The following SSH2 variants were observed in gnomAD, a reference collection of about 807,000 sequenced individuals.
SSH2 encodes slingshot protein phosphatase 2.
A neutral mutation model predicts 135.2 loss-of-function variants in SSH2; 37 were observed. The observed-to-expected ratio is 0.27, with a 90% confidence interval of 0.21 to 0.36. The LOEUF (loss-of-function observed/expected upper bound fraction) is 0.36, where lower values mean the gene tolerates loss of function less well. SSH2 is among the 10% of genes least tolerant of loss of function. SSH2 has a pLI of 1.00. For missense variants in SSH2, 1,408 were observed against 1,765.3 expected, an observed-to-expected ratio of 0.80 and a Z score of 3.63; for synonymous variants, 628 against 646.2, an observed-to-expected ratio of 0.97 and a Z score of 0.43.
intron 6 of SSH2, among the ~76,000 whole-genome samples, chr17:29,679,216 G>A (rs557837862): frequency 6.6e-6 from 1 of 152,016 alleles, no homozygotes; most frequent in South Asian, 2.1e-4. Context: ...TCTCCGAAAG[G>A]CTTCCATGAT....
chr17:29,658,439 G>A (rs1253016669), intron 11 of SSH2, among the ~76,000 whole-genome samples: 3 of 152,160 alleles, frequency 2.0e-5, no homozygotes, highest in Non-Finnish European at 4.4e-5. Flanking sequence ...TCAGCCTCCT[G>A]AGTACCTGGG....
intron 1 of SSH2, among the ~76,000 whole-genome samples, chr17:29,922,096 ATAGT>A (rs1414320113): frequency 3.3e-5 from 5 of 152,088 alleles, no homozygotes; most frequent in Admixed American, 3.3e-4. Context: ...TGAGTAGGAA[ATAGT>A]TAGGTAGAGA....
At position 29,631,663 on chromosome 17, in the gene SSH2, T is replaced by G. The variant is rs373868889; in HGVS notation, c.3531A>C (p.Thr1177=). Residue 1177 remains threonine, a synonymous_variant, in exon 16 of 16, where the codon ACA becomes ACC. Coordinates refer to ENST00000540801, the MANE Select transcript of SSH2 (RefSeq NM_001282129.2). ...TAACCTGTTCTGCAGAGGGCTCATC[T>G]GTAGTGCTGCTCTGCTCTGTGAAGC... ...LEGFTEQSST[T]DEPSAEQVSW... is the part of the protein sequence containing the mutation. 15 of 1,614,128 alleles carry G rather than the reference T, an allele frequency of 9.3e-6. No individual in the cohort carries two copies. In the African/African-American group the frequency reaches 1.6e-4, roughly 17 times the overall value.
intron 11 of SSH2, among the ~76,000 whole-genome samples, chr17:29,661,061 C>CAAAAAA (rs374216221): frequency 9.1e-4 from 44 of 48,204 alleles, no homozygotes; most frequent in African/African-American, 1.1e-3. Flanking sequence ...AATTCCATCT[C>CAAAAAA]AAAAAAAAAA....
chr17:29,859,282 A>G (rs1030283927), intron 1 of SSH2, among the ~76,000 whole-genome samples: 10 of 150,732 alleles, frequency 6.6e-5, no homozygotes, highest in Non-Finnish European at 3.0e-5. Flanking sequence ...TTCCTCTTAC[A>G]CTTTTTTTTC....
chr17:29,658,223 C>T (rs1437050812), intron 11 of SSH2, among the ~76,000 whole-genome samples: 6 of 151,604 alleles, frequency 4.0e-5, no homozygotes, highest in Non-Finnish European at 5.9e-5. Flanking sequence ...AGGCTGGTCT[C>T]GAATTCATGA....
intron 2 of SSH2, among the ~76,000 whole-genome samples, chr17:29,842,403 G>T (rs1206825860): frequency 6.7e-6 from 1 of 149,652 alleles, no homozygotes; most frequent in Non-Finnish European, 1.5e-5. Context: ...GCAGTGAGCC[G>T]AGATCACGCC....
intron 5 of SSH2, among the ~76,000 whole-genome samples, chr17:29,686,128 C>A (rs1253951351): frequency 2.0e-5 from 3 of 152,026 alleles, no homozygotes; most frequent in African/African-American, 4.8e-5. Context: ...GGTTTACAGG[C>A]GTGAGCCACC....
rs1303143591 is a variant in SSH2, at chr17:29,630,211, A to AACT, written c.*627_*629dup. 2.6e-5 allele frequency: 4 copies of AACT among 152,324 alleles called. No individual in the cohort carries two copies. In the East Asian group the frequency reaches 7.7e-4, roughly 29 times the overall value. The allele number at this position is 152,324 out of a possible 1,614,324, so 9.4% of individuals were successfully genotyped here. On this transcript the variant is annotated 3_prime_UTR_variant, in exon 16 of 16. Transcript: ENST00000540801. The stretch of plus-strand genomic sequence containing the variant: ...TCAAAAATAATTTTCTTGGGAAAAA[A>AACT]ACTATATGATAAATTTGCAGAGCCG...
intron 3 of SSH2, chr17:29,761,502 G>C: frequency 1.1e-6 from 1 of 911,974 alleles, no homozygotes; most frequent in South Asian, 4.9e-5. Flanking sequence ...AGAGCGGAGA[G>C]GGTAGGCCCG....
intron 2 of SSH2, among the ~76,000 whole-genome samples, chr17:29,840,961 A>G (rs2076038361): frequency 6.6e-6 from 1 of 152,176 alleles, no homozygotes; most frequent in Admixed American, 6.5e-5. Flanking sequence ...TAACTACTAC[A>G]TGATGCTGAG....
At chr17:29,657,752 T>G (rs988883668) in intron 11 of SSH2, among the ~76,000 whole-genome samples, 5 of 151,512 alleles carry the variant, frequency 3.3e-5, no homozygotes, top group African/African-American at 4.9e-5. Flanking sequence ...TTTACTTTTG[T>G]TTCTTAGAGA....
intron 2 of SSH2, among the ~76,000 whole-genome samples, chr17:29,844,416 A>G (rs1311728005): frequency 6.6e-6 from 1 of 152,228 alleles, no homozygotes; most frequent in African/African-American, 2.4e-5. Context: ...GAGACCACCC[A>G]TAAGCACAAT....
In SSH2 at chr17:29,773,289, T is replaced by A. The variant is rs191763235; in HGVS notation, c.188+20605A>T. Among the ~76,000 whole-genome samples, 865 of 152,260 alleles carry A rather than the reference T, an allele frequency of 5.7e-3. 5 individuals are homozygous for A. The highest frequency in any genetic ancestry group is 9.3e-3 in the Non-Finnish European group (630 of 68,024). On this transcript the variant is annotated intron_variant, in intron 3 of 15. Transcript: ENST00000540801. The stretch of plus-strand genomic sequence containing the variant: ...TCTATCCATAGAAATAATATTACAA[T>A]GTAGAAAAGAAAAGACAAGGGGTCC...
At chr17:29,925,503 G>A (rs1244912102) in intron 1 of SSH2, 2 of 398,370 alleles carry the variant, frequency 5.0e-6, no homozygotes, top group East Asian at 3.6e-5. Flanking sequence ...ATCCCTTGAC[G>A]CCACGAGTTC....
chr17:29,887,895 G>A (rs1389073408), intron 1 of SSH2, among the ~76,000 whole-genome samples: 1 of 152,136 alleles, frequency 6.6e-6, no homozygotes, highest in Non-Finnish European at 1.5e-5. Context: ...TGACCTTACA[G>A]AACACAATAT....
chr17:29,658,668 G>A (rs2036891451), intron 11 of SSH2, among the ~76,000 whole-genome samples: 1 of 151,978 alleles, frequency 6.6e-6, no homozygotes, highest in Non-Finnish European at 1.5e-5. Context: ...GGGAGTTACA[G>A]ACCAGCCTGA....
intron 1 of SSH2, among the ~76,000 whole-genome samples, chr17:29,914,781 A>G (rs1001225606): frequency 2.6e-5 from 4 of 152,154 alleles, no homozygotes; most frequent in Non-Finnish European, 5.9e-5. Context: ...ACAACAAACA[A>G]CAGTTCTATC....
In SSH2 at chr17:29,930,119, A is replaced by AGGAGG. The variant is rs1316996411; in HGVS notation, c.-124_-120dup. ...GGTGGGGGTGAAGGGAACGGGGAGG[A>AGGAGG]GGAGGAGGCCGCGGGAACGGCCGCA... On this transcript the variant is annotated 5_prime_UTR_variant, in exon 1 of 16. Transcript: ENST00000540801. The AGGAGG allele has an allele frequency of 4.6e-5, 43 of 934,816 alleles. No homozygotes were observed. In the African/African-American group the frequency reaches 6.7e-4, roughly 15 times the overall value. 57.9% of individuals were successfully genotyped at this position (934,816 alleles called of 1,614,324 possible).
Sources: gnomAD v4.1 joint callset for allele counts (sites outside exome capture counted in the v4.1 genomes callset) on GRCh38, gnomAD v4.1.1 for gene constraint, MANE v1.5 for transcripts, NCBI Gene and HGNC (gene_info 2026-07-23, HGNC 2026-07-21) for gene names.